The following FOXP2 variants were observed in gnomAD, a reference collection of about 807,000 sequenced individuals.
The protein encoded by FOXP2 is forkhead box P2.
Under a neutral mutation model 115.8 loss-of-function variants are expected in FOXP2, and 12 were observed. That is an observed-to-expected ratio of 0.10 (90% CI 0.07 to 0.17). FOXP2 has a LOEUF of 0.17. Ranked by LOEUF, FOXP2 falls within the 10% of genes least tolerant of loss-of-function variation. The pLI, the probability that FOXP2 is intolerant of heterozygous loss-of-function variation, is 1.00. For missense variants in FOXP2, 629 were observed against 843.5 expected (o/e 0.75, Z 3.15); for synonymous variants, 328 against 297.7 (o/e 1.10, Z -1.05).
chr7:114,308,599 A>G lies in FOXP2; in HGVS notation c.-11+20490A>G, dbSNP rs544070561. Among the ~76,000 whole-genome samples the G allele has an allele frequency of 2.6e-5, 4 of 152,278 alleles. No individual in the cohort carries two copies. The East Asian group carries it at 7.7e-4, about 29-fold the overall frequency. On this transcript the variant is annotated intron_variant, in intron 2 of 17. Coordinates refer to the FOXP2 transcript ENST00000634411. ...TGTAGACCAAAAAGAGAGATAAAGG[A>G]CCAGAAATATTTCTGAATTGCTTTT...
At chr7:114,590,154 C>CA (rs143390791) in intron 3 of FOXP2, among the ~76,000 whole-genome samples, 3,201 of 152,010 alleles carry the variant, frequency 0.021, 103 homozygotes, top group African/African-American at 0.07. Context: ...TACAGAGTTG[C>CA]AAAAAAAGTT....
upstream of FOXP2, chr7:114,086,499 C>T: frequency 2.8e-6 from 1 of 353,832 alleles, no homozygotes; most frequent in South Asian, 2.0e-5. Flanking sequence ...GCGCGCCCCC[C>T]ACTCGCGGCA....
intron 2 of FOXP2, chr7:114,297,273 TG>T: frequency 1.9e-6 from 1 of 521,506 alleles, no homozygotes; most frequent in South Asian, 1.9e-5. Context: ...GCAGCTCCTA[TG>T]GGGCGAACCC....
At chr7:114,574,484 C>CT (rs1377209731) in intron 3 of FOXP2, among the ~76,000 whole-genome samples, 1 of 151,662 alleles carries the variant, frequency 6.6e-6, no homozygotes, top group Non-Finnish European at 1.5e-5. Flanking sequence ...ACATGCCTTT[C>CT]TTTTTTTCCT....
chr7:114,409,295 T>C (rs1412914797), upstream of FOXP2, among the ~76,000 whole-genome samples: 1 of 152,138 alleles, frequency 6.6e-6, no homozygotes, highest in Non-Finnish European at 1.5e-5. Context: ...ATTGAATACC[T>C]ACTTTTGCAC....
At chr7:114,439,360 A>T (rs1181372547) in intron 2 of FOXP2, among the ~76,000 whole-genome samples, 1 of 152,174 alleles carries the variant, frequency 6.6e-6, no homozygotes, top group Non-Finnish European at 1.5e-5. Flanking sequence ...GTATCTGTAG[A>T]GCAGCTAAAG....
intron 2 of FOXP2, among the ~76,000 whole-genome samples, chr7:114,512,215 C>A (rs1798112036): frequency 6.6e-6 from 1 of 152,090 alleles, no homozygotes; most frequent in Non-Finnish European, 1.5e-5. Context: ...AAAGGCAGAG[C>A]TTTTGATAAG....
At chr7:114,590,330 G>C (rs747101565) in intron 3 of FOXP2, among the ~76,000 whole-genome samples, 1 of 152,090 alleles carries the variant, frequency 6.6e-6, no homozygotes, top group Non-Finnish European at 1.5e-5. Context: ...CCATGATCTT[G>C]GTCAAATATT....
intron 2 of FOXP2, among the ~76,000 whole-genome samples, chr7:114,325,793 G>A (rs1797540730): frequency 6.6e-6 from 1 of 151,970 alleles, no homozygotes; most frequent in African/African-American, 2.4e-5. Flanking sequence ...GTACTTAGCA[G>A]CTAAATTAAA....
At chr7:114,448,183 C>T (rs1272948812) in intron 2 of FOXP2, among the ~76,000 whole-genome samples, 1 of 151,990 alleles carries the variant, frequency 6.6e-6, no homozygotes, top group Non-Finnish European at 1.5e-5. Flanking sequence ...GTATAAATAG[C>T]TGAGAAACGC....
At chr7:114,468,077 T>C (rs1795888766) in intron 2 of FOXP2, among the ~76,000 whole-genome samples, 1 of 152,208 alleles carries the variant, frequency 6.6e-6, no homozygotes, top group Non-Finnish European at 1.5e-5. Flanking sequence ...CTGTGATCTC[T>C]ACCCAAAGCT....
chr7:114,670,154 A>G (rs1353864573), intron 16 of FOXP2, among the ~76,000 whole-genome samples: 1 of 151,892 alleles, frequency 6.6e-6, no homozygotes. Context: ...TAAATATTCT[A>G]TATTCGTTGT....
intron 1 of FOXP2, chr7:114,285,287 G>A (rs1455528962): frequency 6.6e-6 from 1 of 152,114 alleles, no homozygotes; most frequent in East Asian, 1.9e-4. Flanking sequence ...ATGAAAAATA[G>A]CAGCCCTGTG....
At chr7:114,367,959 T>G (rs559368340) in intron 2 of FOXP2, among the ~76,000 whole-genome samples, 1 of 152,314 alleles carries the variant, frequency 6.6e-6, no homozygotes, top group Non-Finnish European at 1.5e-5. Flanking sequence ...TATCTGGTTC[T>G]CATAAAAATT....
intron 1 of FOXP2, among the ~76,000 whole-genome samples, chr7:114,100,025 C>T (rs1799743095): frequency 6.6e-6 from 1 of 152,096 alleles, no homozygotes. Context: ...ATGTTGTATA[C>T]TTTAAAAACG....
intron 1 of FOXP2, among the ~76,000 whole-genome samples, chr7:114,182,745 T>C (rs1293773460): frequency 6.6e-6 from 1 of 152,000 alleles, no homozygotes; most frequent in Non-Finnish European, 1.5e-5. Flanking sequence ...AAAGATAATA[T>C]GATGCCTGTT....
intron 1 of FOXP2, among the ~76,000 whole-genome samples, chr7:114,176,042 T>G (rs1208697669): frequency 6.6e-6 from 1 of 152,168 alleles, no homozygotes; most frequent in African/African-American, 2.4e-5. Context: ...TTTATCTGTA[T>G]TCTCACATTT....
At chr7:114,583,380 A>T (rs914604726) in intron 3 of FOXP2, among the ~76,000 whole-genome samples, 3 of 152,090 alleles carry the variant, frequency 2.0e-5, no homozygotes, top group Non-Finnish European at 4.4e-5. Flanking sequence ...TGTCTCAAAA[A>T]AAAAAGCAAA....
At chr7:114,520,314 A>G (rs1332169084) in intron 2 of FOXP2, among the ~76,000 whole-genome samples, 2 of 152,046 alleles carry the variant, frequency 1.3e-5, no homozygotes, top group Non-Finnish European at 2.9e-5. Flanking sequence ...CAGTATTTTG[A>G]TCTACCATAT....
Sources: allele counts gnomAD v4.1 joint callset (sites outside exome capture counted in the v4.1 genomes callset), GRCh38; gene constraint gnomAD v4.1.1; transcripts MANE v1.5; gene names NCBI Gene and HGNC (gene_info 2026-07-23, HGNC 2026-07-21).